Variants in PPP2R1B observed in about 807,000 individuals in gnomAD.
PPP2R1B encodes protein phosphatase 2 scaffold subunit Abeta.
A neutral mutation model predicts 72.7 loss-of-function variants in PPP2R1B; 58 were observed. That is an observed-to-expected ratio of 0.80 (90% CI 0.65 to 0.99). The LOEUF (loss-of-function observed/expected upper bound fraction) is 0.99. Among genes scored for constraint, PPP2R1B ranks in the 50% least tolerant of loss-of-function variants. The pLI, the probability that PPP2R1B is intolerant of heterozygous loss-of-function variation, is 0.00. For synonymous variants in PPP2R1B, 256 were observed against 264.6 expected (o/e 0.97, Z 0.32); for missense variants, 695 against 733.6 (o/e 0.95, Z 0.61).
the PPP2R1B span, among the ~76,000 whole-genome samples, chr11:111,698,261 C>T: frequency 2.6e-5 from 4 of 152,306 alleles, no homozygotes; most frequent in East Asian, 5.8e-4. Flanking sequence ...TGGGCTACCA[C>T]GGGTCCAGAG....
chr11:111,723,542 G>T (rs779289996), downstream of PPP2R1B: 1 of 1,614,066 alleles, frequency 6.2e-7, no homozygotes, highest in Non-Finnish European at 8.5e-7. Context: ...TCAACTGCAG[G>T]CCTATTTTAA....
At chr11:111,736,878 T>G (rs1327437766), downstream of PPP2R1B, among the ~76,000 whole-genome samples, 1 of 152,206 alleles carries the variant, frequency 6.6e-6, no homozygotes, top group Non-Finnish European at 1.5e-5. Context: ...TTTCTGAATG[T>G]ATCTGTAAGC....
Position 111,754,988 on chromosome 11 carries a change from T to A in PPP2R1B, c.950A>T (p.Lys317Ile). ...EAEVRAAAAH[K>I]VKELGENLPI... ...AAATTGAACTCCTTAACCTTTTACT[T>A]TGTGGGCAGCAGCTGCCCGGACTTC... Residue 317 changes from lysine (K) to isoleucine (I), a missense_variant, in exon 7 of 15, where the codon AAA becomes ATA. Transcript: ENST00000527614. 6.2e-7 allele frequency: 1 copy of A among 1,608,968 alleles called. No homozygotes were observed. The highest frequency in any genetic ancestry group is 1.1e-5 in the South Asian group (1 of 90,862).
At chr11:111,747,280 T>C (rs745343757) in intron 11 of PPP2R1B, among the ~76,000 whole-genome samples, 1 of 152,214 alleles carries the variant, frequency 6.6e-6, no homozygotes, top group African/African-American at 2.4e-5. Flanking sequence ...CACTGCTGCC[T>C]GGCACACAAG....
chr11:111,748,559 G>A lies in PPP2R1B; in HGVS notation c.1339-545C>T, dbSNP rs116464853. Reference sequence around the variant, plus strand: ...ACTACAGGGCATATGGCCCAGGCATGGCTTGCTCTCCCAGCCCTGTTCCTC... The same window carrying A: ...ACTACAGGGCATATGGCCCAGGCATAGCTTGCTCTCCCAGCCCTGTTCCTC... On this transcript the variant is annotated intron_variant, in intron 10 of 14. Coordinates refer to ENST00000527614, the MANE Select transcript of PPP2R1B (RefSeq NM_002716.5). 2.8e-3 allele frequency among the ~76,000 whole-genome samples: 424 copies of A among 152,336 alleles called. 3 individuals carry two copies. Among genetic ancestry groups the A allele is most frequent in the African/African-American group, 9.8e-3 (407 of 41,570 alleles).
the PPP2R1B span, among the ~76,000 whole-genome samples, chr11:111,691,542 C>T: frequency 6.6e-6 from 1 of 152,258 alleles, no homozygotes; most frequent in African/African-American, 2.4e-5. Flanking sequence ...CCCACTACAC[C>T]ATTTTGTCAT....
At chr11:111,703,514 A>G in the PPP2R1B span, 19 of 1,121,520 alleles carry the variant, frequency 1.7e-5, no homozygotes, top group Non-Finnish European at 2.2e-5. Context: ...TAGCACATGT[A>G]TCTCCAGCGC....
rs939291907 is a variant in PPP2R1B at position 111,738,368 on chromosome 11, A to G, written c.*3228T>C. 138 of 985,466 alleles carry G rather than the reference A, an allele frequency of 1.4e-4. No individual in the cohort carries two copies. The highest frequency in any genetic ancestry group is 1.7e-4 in the Non-Finnish European group (137 of 830,022). 61.0% of individuals were successfully genotyped at this position (985,466 alleles called of 1,614,324 possible). A position where few individuals can be genotyped will look rare whatever the true frequency, so the allele number is the denominator to read the frequency against. ...ACCTGTTTGGCCACCCTGCCCTGCC[A>G]TCGCCACAGGGACAGAGCCAATGTG... On this transcript the variant is annotated 3_prime_UTR_variant, in exon 15 of 15. Coordinates refer to ENST00000527614, the MANE Select transcript of PPP2R1B (RefSeq NM_002716.5).
downstream of PPP2R1B, among the ~76,000 whole-genome samples, chr11:111,733,052 CAG>C (rs1341444485): frequency 1.3e-5 from 2 of 152,166 alleles, no homozygotes. Flanking sequence ...CCCTCAGACA[CAG>C]GGGCCACTGG....
rs1435481833 is a variant in PPP2R1B at position 111,740,873 on chromosome 11, G to C, written c.*723C>G. On this transcript the variant is annotated 3_prime_UTR_variant, in exon 15 of 15. Coordinates refer to ENST00000527614, the MANE Select transcript of PPP2R1B (RefSeq NM_002716.5). ...TACAGTTAAAGCTTTTTAGAAAAGA[G>C]AGAGAAGTATTTTTAAATGTAGGCA... The C allele has an allele frequency of 2.0e-6, 2 of 985,340 alleles. No individual in the cohort carries two copies. Among genetic ancestry groups the C allele is most frequent in the South Asian group, 4.7e-5 (1 of 21,292 alleles). The allele number at this position is 985,340 out of a possible 1,614,324, so 61.0% of individuals were successfully genotyped here.
At chr11:111,709,330 G>C in the PPP2R1B span, among the ~76,000 whole-genome samples, 1 of 152,164 alleles carries the variant, frequency 6.6e-6, no homozygotes, top group Non-Finnish European at 1.5e-5. Flanking sequence ...CCTTCTTCAA[G>C]GCCCTGTCTC....
chr11:111,728,794 G>GCAT (rs1944070948), intron 15 of PPP2R1B: 3 of 152,068 alleles, frequency 2.0e-5, no homozygotes, highest in Non-Finnish European at 4.4e-5. Flanking sequence ...CGTGGTGGTG[G>GCAT]GCGCCTGTAG....
chr11:111,700,571 C>A, the PPP2R1B span, among the ~76,000 whole-genome samples: 1 of 152,202 alleles, frequency 6.6e-6, no homozygotes, highest in East Asian at 1.9e-4. Flanking sequence ...CTAAGATTAT[C>A]AAATACTAGT....
chr11:111,716,353 G>C, the PPP2R1B span, among the ~76,000 whole-genome samples: 1 of 152,014 alleles, frequency 6.6e-6, no homozygotes, highest in Non-Finnish European at 1.5e-5. Flanking sequence ...AGGCTGGGTG[G>C]ATCACCTGAG....
At chr11:111,734,597 C>G (rs1944287416), downstream of PPP2R1B, among the ~76,000 whole-genome samples, 1 of 152,240 alleles carries the variant, frequency 6.6e-6, no homozygotes, top group Non-Finnish European at 1.5e-5. Flanking sequence ...TCTGACTTCC[C>G]CATGGACTTC....
At chr11:111,688,021 C>T in the PPP2R1B span, 19 of 1,613,902 alleles carry the variant, frequency 1.2e-5, no homozygotes, top group Non-Finnish European at 1.4e-5. This position sits in a 1 kb window ranked among gnomAD's most constrained non-coding sequence, Gnocchi z 4.2. Flanking sequence ...TAATCATGGC[C>T]GGTTAAATGA....
At chr11:111,748,684 G>A (rs1555047034) in intron 10 of PPP2R1B, among the ~76,000 whole-genome samples, 1 of 152,202 alleles carries the variant, frequency 6.6e-6, no homozygotes, top group Non-Finnish European at 1.5e-5. Flanking sequence ...ACCACATGGA[G>A]AATGCTGTGA....
the PPP2R1B span, chr11:111,703,457 A>C: frequency 6.3e-7 from 1 of 1,589,522 alleles, no homozygotes; most frequent in South Asian, 1.1e-5. Flanking sequence ...GTTCTACTGC[A>C]CTTAGCTACT....
intron 14 of PPP2R1B, 95 bp from the exon 15 acceptor site, chr11:111,741,707 C>G: frequency 1.5e-6 from 2 of 1,351,344 alleles, no homozygotes; most frequent in Non-Finnish European, 2.1e-6. Context: ...CCAAACGTAT[C>G]AAACTAACAA....
Sources: allele counts gnomAD v4.1 joint callset (sites outside exome capture counted in the v4.1 genomes callset), GRCh38; gene constraint gnomAD v4.1.1; non-coding constraint Gnocchi (gnomAD v3.1); transcripts MANE v1.5; gene names NCBI Gene and HGNC (gene_info 2026-07-23, HGNC 2026-07-21).